Variants in ZNF45 observed in about 807,000 individuals in gnomAD.
The protein encoded by ZNF45 is zinc finger protein 45.
ZNF45 carries 4 observed loss-of-function variants against 12.0 expected under a neutral mutation model. The observed-to-expected ratio is 0.33, with a 90% confidence interval of 0.16 to 0.76. The LOEUF (loss-of-function observed/expected upper bound fraction) is 0.76. Among genes scored for constraint, ZNF45 ranks in the 30% least tolerant of loss-of-function variants. The pLI is 0.60. For missense variants in ZNF45, 700 were observed against 813.0 expected, an observed-to-expected ratio of 0.86 and a Z score of 1.69; for synonymous variants, 272 against 279.6, an observed-to-expected ratio of 0.97 and a Z score of 0.27.
Position 43,914,116 on chromosome 19 carries a change from C to G in ZNF45, c.1320G>C (p.Gly440=). ...DFNIHFRVHT[G]EKPYKCEECG... ...ACTCCTCACATTTATAGGGTTTTTC[C>G]CCTGTATGGACTCTAAAATGAATGT... is the stretch of plus-strand genomic sequence containing the variant. Residue 440 remains glycine, a synonymous_variant, in exon 10 of 10, where the codon GGG becomes GGC. Transcript: ENST00000269973. 1 of 1,607,838 alleles carries G rather than the reference C, an allele frequency of 6.2e-7. No individual in the cohort carries two copies. The highest frequency in any genetic ancestry group is 8.5e-7 in the Non-Finnish European group (1 of 1,177,926).
At position 43,913,176 on chromosome 19, in the gene ZNF45, CT is replaced by C. The variant is rs1450131246; in HGVS notation, c.*210del. ...TACTTCTGATTTACTCCAGATCAGACTCATCCTTCCTGATCCTCTTGTCTGC... is the reference window on the plus strand; with the variant it reads ...TACTTCTGATTTACTCCAGATCAGACCATCCTTCCTGATCCTCTTGTCTGC... On this transcript the variant is annotated 3_prime_UTR_variant, in exon 10 of 10. Coordinates refer to ENST00000269973, the MANE Select transcript of ZNF45 (RefSeq NM_003425.4). 4.2e-6 allele frequency: 2 copies of C among 473,650 alleles called. No homozygotes were observed. The highest frequency in any genetic ancestry group is 7.3e-6 in the Non-Finnish European group (2 of 273,202). 29.3% of individuals were successfully genotyped at this position (473,650 alleles called of 1,614,324 possible).
Position 43,913,859 on chromosome 19 carries a change from T to C in ZNF45, c.1577A>G (p.Lys526Arg), listed in dbSNP as rs1972406660. 9 of 1,613,758 alleles carry C rather than the reference T, an allele frequency of 5.6e-6. No homozygotes were observed. The highest frequency in any genetic ancestry group is 5.9e-6 in the Non-Finnish European group (7 of 1,179,874). Reference protein sequence around the residue: ...QVHQRVHTGEKPYQCAECGKG... With the variant: ...QVHQRVHTGERPYQCAECGKG... ...CCCACACTCTGCACACTGATATGGT[T>C]TCTCTCCAGTGTGAACTCTCTGATG... Residue 526 changes from lysine (K) to arginine (R), a missense_variant, in exon 10 of 10, where the codon AAA becomes AGA. Coordinates refer to ENST00000269973, the MANE Select transcript of ZNF45 (RefSeq NM_003425.4).
At chr19:43,920,535 T>TGGGGGGGGGGGGGGGGG (rs386389071) in intron 7 of ZNF45, among the ~76,000 whole-genome samples, 1 of 22,346 alleles carries the variant, frequency 4.5e-5, no homozygotes, top group African/African-American at 8.7e-5. Flanking sequence ...TGTTGCCGGG[T>TGGGGGGGGGGGGGGGGG]GGGGGGGGGG....
In ZNF45 at chr19:43,914,704, T is replaced by C; in HGVS notation, c.732A>G (p.Gly244=). The change falls in exon 10 of 10, where the codon GGA becomes GGG. Residue 244 remains glycine, a synonymous_variant. Transcript: ENST00000269973. ...ACTCTTCATATTTGTATGGATTCTC[T>C]CCAGTGGGAACTCTCTGATGATGGG... ...HLPHHQRVPT[G]ENPYKYEECG... 6.2e-7 allele frequency: 1 copy of C among 1,614,180 alleles called. No homozygotes were observed. Among genetic ancestry groups the C allele is most frequent in the Non-Finnish European group, 8.5e-7 (1 of 1,180,024 alleles).
chr19:43,920,598 G>GT (rs1273072975), intron 7 of ZNF45, among the ~76,000 whole-genome samples: 6 of 69,720 alleles, frequency 8.6e-5, no homozygotes, highest in South Asian at 1.5e-3. Flanking sequence ...ATATCGTATT[G>GT]GTTTTTTTTT....
chr19:43,913,256 G>A lies in ZNF45; in HGVS notation c.*131C>T, dbSNP rs903341085. On this transcript the variant is annotated 3_prime_UTR_variant, in exon 10 of 10. Transcript: ENST00000269973. ...ATGCAGTCCATATGTCTCCACTCTT[G>A]TGAGGCTTCTCTGCTGTGTGGTCTC... 2 of 1,053,124 alleles carry A rather than the reference G, an allele frequency of 1.9e-6. No individual in the cohort carries two copies. The highest frequency in any genetic ancestry group is 2.5e-5 in the East Asian group (1 of 40,426). The allele number at this position is 1,053,124 out of a possible 1,614,324, so 65.2% of individuals were successfully genotyped here. A position where few individuals can be genotyped will look rare whatever the true frequency, so the allele number is the denominator to read the frequency against.
At chr19:43,916,754 G>A (rs1416941123) in intron 9 of ZNF45, among the ~76,000 whole-genome samples, 4 of 152,108 alleles carry the variant, frequency 2.6e-5, no homozygotes, top group Admixed American at 1.3e-4. Context: ...TCAAGTAAAC[G>A]ATGCATAATG....
chr19:43,917,360 A>C (rs929004056), intron 9 of ZNF45, among the ~76,000 whole-genome samples: 6 of 152,226 alleles, frequency 3.9e-5, no homozygotes, highest in Non-Finnish European at 8.8e-5. Context: ...TAATCAAACA[A>C]ATTGTTCAAA....
At chr19:43,927,372 C>A (rs1282623138) in intron 3 of ZNF45, among the ~76,000 whole-genome samples, 1 of 152,190 alleles carries the variant, frequency 6.6e-6, no homozygotes, top group Non-Finnish European at 1.5e-5. Flanking sequence ...GATAGATACA[C>A]CATGTGGATC....
chr19:43,917,093 T>C (rs1972746075), intron 9 of ZNF45, among the ~76,000 whole-genome samples: 1 of 152,218 alleles, frequency 6.6e-6, no homozygotes, highest in African/African-American at 2.4e-5. Context: ...TTTTTCAAAC[T>C]GAAGGCTAGG....
At chr19:43,916,448 A>G (rs541265154) in intron 9 of ZNF45, among the ~76,000 whole-genome samples, 114 of 152,310 alleles carry the variant, frequency 7.5e-4, no homozygotes, top group African/African-American at 2.6e-3. Context: ...AATATCAGAT[A>G]GTAAATTCTC....
At chr19:43,922,300 TGTTTTG>T (rs1973254970) in intron 6 of ZNF45, 83 bp from the exon 7 acceptor site, 2 of 913,234 alleles carry the variant, frequency 2.2e-6, no homozygotes, top group African/African-American at 3.7e-5. Flanking sequence ...GCTGTTTTTT[TGTTTTG>T]TTTTGTTTTT....
At chr19:43,930,890 A>G (rs749007158) in intron 3 of ZNF45, among the ~76,000 whole-genome samples, 2 of 152,076 alleles carry the variant, frequency 1.3e-5, no homozygotes, top group African/African-American at 2.4e-5. Flanking sequence ...TGTAATCAGT[A>G]TAAGAATTAT....
intron 9 of ZNF45, among the ~76,000 whole-genome samples, chr19:43,917,054 T>C (rs549337706): frequency 6.6e-6 from 1 of 152,338 alleles, no homozygotes; most frequent in South Asian, 2.1e-4. Context: ...TGGATGTAAA[T>C]ATATTTTTCT....
rs533695176 is a variant in ZNF45 at position 43,929,118 on chromosome 19, C to T, written c.-400+3486G>A. ...GCCTTATCTACTAGAACACTGGCTG[C>T]GCCAGGCAATGAACCCAGGCAATCT... On this transcript the variant is annotated intron_variant, in intron 3 of 9. Transcript: ENST00000269973. Among the ~76,000 whole-genome samples, 68 of 152,340 alleles carry T rather than the reference C, an allele frequency of 4.5e-4. 1 individual carries two copies. In the South Asian group the frequency reaches 8.3e-3, roughly 19 times the overall value.
chr19:43,926,986 C>G (rs1973732860), intron 3 of ZNF45, among the ~76,000 whole-genome samples: 1 of 152,170 alleles, frequency 6.6e-6, no homozygotes, highest in South Asian at 2.1e-4. Flanking sequence ...ACAGATTACC[C>G]TCTCAAACGG....
chr19:43,924,682 T>C (rs1336729180), intron 4 of ZNF45, 121 bp from the exon 5 acceptor site: 1 of 152,152 alleles, frequency 6.6e-6, no homozygotes, highest in Non-Finnish European at 1.5e-5. Flanking sequence ...CCAAGGGAGC[T>C]GCTTGAGGGA....
Position 43,923,840 on chromosome 19 carries a change from A to C in ZNF45, c.-33+398T>G, listed in dbSNP as rs964463371. 2.0e-5 allele frequency among the ~76,000 whole-genome samples: 3 copies of C among 152,104 alleles called. No homozygotes were observed. In the East Asian group the frequency reaches 5.8e-4, roughly 29 times the overall value. On this transcript the variant is annotated intron_variant, in intron 6 of 9. Transcript: ENST00000269973. ...GTTTCTAAAAGGTATAAGACCTTGC[A>C]AAATTTGGCTGTGTAGAGTGGCTCA...
chr19:43,913,980 C>A lies in ZNF45; in HGVS notation c.1456G>T (p.Asp486Tyr). ...TGGATTCTACAGTGTACATTAAGAT[C>A]TGAGCTCCGACTGAAGCCCTTCCCA... ...TCGKGFSRSS[D>Y]LNVHCRIHTG... Residue 486 changes from aspartate to tyrosine, a missense_variant, in exon 10 of 10, where the codon GAT becomes TAT. By Grantham distance (160) the Asp-to-Tyr change is radical. Transcript: ENST00000269973. The A allele has an allele frequency of 6.2e-7, 1 of 1,605,388 alleles. No individual in the cohort carries two copies. Among genetic ancestry groups the A allele is most frequent in the Non-Finnish European group, 8.5e-7 (1 of 1,176,992 alleles).
Sources: allele counts gnomAD v4.1 joint callset (sites outside exome capture counted in the v4.1 genomes callset), GRCh38; gene constraint gnomAD v4.1.1; transcripts MANE v1.5; gene names NCBI Gene and HGNC (gene_info 2026-07-23, HGNC 2026-07-21).